Variants in PCDHA2 observed in about 807,000 individuals in gnomAD.
PCDHA2 encodes the protein protocadherin alpha 2.
PCDHA2 carries 58 observed loss-of-function variants against 66.0 expected under a neutral mutation model. The ratio of observed to expected loss-of-function variants is 0.88; its 90% CI spans 0.71 to 1.09. PCDHA2 has a LOEUF of 1.09. PCDHA2 is among the 50% of genes least tolerant of loss of function. The pLI, the probability that PCDHA2 is intolerant of heterozygous loss-of-function variation, is 0.00. For missense variants in PCDHA2, 1,267 were observed against 1,242.3 expected, an observed-to-expected ratio of 1.02 and a Z score of -0.30; for synonymous variants, 634 against 554.0, an observed-to-expected ratio of 1.14 and a Z score of -2.03.
intron 1 of PCDHA2, among the ~76,000 whole-genome samples, chr5:140,941,202 C>CCTTTCTTCCTTTCTTTCTTTCTTTCTTT (rs1394736170): frequency 6.0e-4 from 74 of 122,806 alleles, no homozygotes; most frequent in Middle Eastern, 4.2e-3. Flanking sequence ...TTTCTTTCTT[C>CCTTTCTTCCTTTCTTTCTTTCTTTCTTT]CTTTCTTTCT....
chr5:141,009,938 G>T lies in PCDHA2; in HGVS notation c.*1G>T, dbSNP rs781826815. The T allele has an allele frequency of 6.6e-5, 106 of 1,600,570 alleles. No individual in the cohort carries two copies. The highest frequency in any genetic ancestry group is 8.9e-5 in the Non-Finnish European group (105 of 1,175,516). ...CACGACTGACAACAGTGACCAGTGA[G>T]GTCCTCAAATGGAAACAAGCCACTT... On this transcript the variant is annotated 3_prime_UTR_variant, in exon 4 of 4. Coordinates refer to ENST00000526136, the MANE Select transcript of PCDHA2 (RefSeq NM_018905.3).
rs35252606 is a variant in PCDHA2, at chr5:140,912,343, ATT to A, written c.2389-66592_2389-66591del. The stretch of plus-strand genomic sequence containing the variant: ...CTCAGTATTAACCAGTACACTAAGT[ATT>A]TTTTTTTTTTTTTGCAGCTGTTGTA... On this transcript the variant is annotated intron_variant, in intron 1 of 3. Transcript: ENST00000526136. 3.7e-3 allele frequency among the ~76,000 whole-genome samples: 528 copies of A among 143,760 alleles called. 4 individuals are homozygous for A. The highest frequency in any genetic ancestry group is 8.3e-3 in the East Asian group (41 of 4,940). 94.3% of individuals were successfully genotyped at this position (143,760 alleles called of 152,430 possible).
intron 1 of PCDHA2, chr5:140,884,644 C>T (rs1554181804): frequency 6.2e-7 from 1 of 1,608,094 alleles, no homozygotes; most frequent in South Asian, 1.1e-5. Flanking sequence ...GGGAGGAGGA[C>T]TCAGAATGCT....
intron 1 of PCDHA2, chr5:140,870,544 G>T: frequency 6.2e-7 from 1 of 1,614,124 alleles, no homozygotes. Context: ...GGCGCGGGAC[G>T]CGGACGCGCA....
In PCDHA2 at chr5:140,876,419, A is replaced by G. The variant is rs2056334313; in HGVS notation, c.2388+79067A>G. On this transcript the variant is annotated intron_variant, in intron 1 of 3. Coordinates refer to ENST00000526136, the MANE Select transcript of PCDHA2 (RefSeq NM_018905.3). Reference sequence around the variant, plus strand: ...CTGGATTTTGAAGAGAATAATGCCTATGAAATTCAGGTTAACGCCATTGAT... The same window carrying G: ...CTGGATTTTGAAGAGAATAATGCCTGTGAAATTCAGGTTAACGCCATTGAT... 2.5e-6 allele frequency: 4 copies of G among 1,613,984 alleles called. No homozygotes were observed. In the East Asian group the frequency reaches 6.7e-5, roughly 27 times the overall value.
chr5:140,973,974 T>C (rs2096609755), intron 1 of PCDHA2, among the ~76,000 whole-genome samples: 1 of 152,224 alleles, frequency 6.6e-6, no homozygotes. Context: ...TAAATGTGGC[T>C]TTTACAGAAC....
At chr5:140,857,365 C>A (rs251362) in intron 1 of PCDHA2, 1 of 1,597,496 alleles carries the variant, frequency 6.3e-7, no homozygotes, top group South Asian at 1.1e-5. Context: ...CCACGGCCAG[C>A]GTGTCTGTGG....
At chr5:140,917,354 G>T (rs148449289) in intron 1 of PCDHA2, among the ~76,000 whole-genome samples, 7 of 143,854 alleles carry the variant, frequency 4.9e-5, no homozygotes, top group African/African-American at 1.8e-4. Flanking sequence ...GTAGGCTTCT[G>T]TTCCACTATC....
At chr5:140,946,038 G>T (rs782421286) in intron 1 of PCDHA2, among the ~76,000 whole-genome samples, 29 of 152,042 alleles carry the variant, frequency 1.9e-4, no homozygotes, top group Non-Finnish European at 4.0e-4. Flanking sequence ...CAAGAGTGAA[G>T]GGACAATCCA....
In PCDHA2 at chr5:140,976,256, AAC is replaced by A. The variant is rs372931931; in HGVS notation, c.2389-2689_2389-2688del. On this transcript the variant is annotated intron_variant, in intron 1 of 3. Transcript: ENST00000526136. Reference sequence around the variant, plus strand: ...TGTCATTTCATGTAAATTTATTTAAAACACAGACTTTTGGCAAGGCACAGTGG... The same window carrying A: ...TGTCATTTCATGTAAATTTATTTAAAACAGACTTTTGGCAAGGCACAGTGG... Among the ~76,000 whole-genome samples the A allele has an allele frequency of 3.2e-3, 487 of 152,352 alleles. 7 individuals carry two copies. Among genetic ancestry groups the A allele is most frequent in the Middle Eastern group, 0.01 (3 of 294 alleles).
intron 1 of PCDHA2, chr5:140,802,763 G>A (rs146921578): frequency 1.2e-6 from 2 of 1,612,888 alleles, no homozygotes; most frequent in East Asian, 2.2e-5. Flanking sequence ...CGCTGCAGCC[G>A]CTGGACCACG....
chr5:140,908,455 A>G (rs1425485479), intron 1 of PCDHA2, among the ~76,000 whole-genome samples: 7 of 152,178 alleles, frequency 4.6e-5, no homozygotes, highest in South Asian at 4.1e-4. Flanking sequence ...GGCTAGATGG[A>G]TCAGAAAGCA....
chr5:140,929,870 A>T (rs1056539262), intron 1 of PCDHA2: 1 of 153,262 alleles, frequency 6.5e-6, no homozygotes, highest in Admixed American at 6.5e-5. Flanking sequence ...AGGCTTTGTG[A>T]TAGAGATCAC....
At chr5:140,927,525 T>C in intron 1 of PCDHA2, 1 of 1,614,088 alleles carries the variant, frequency 6.2e-7, no homozygotes, top group Non-Finnish European at 8.5e-7. Context: ...GCGGGCTACC[T>C]GCCCGCTCAG....
chr5:140,896,228 G>C (rs567886194), intron 1 of PCDHA2, among the ~76,000 whole-genome samples: 1 of 152,298 alleles, frequency 6.6e-6, no homozygotes, highest in South Asian at 2.1e-4. Context: ...CTTTATAGTA[G>C]AATGACTTAT....
chr5:140,914,073 C>G (rs1314205032), intron 1 of PCDHA2, among the ~76,000 whole-genome samples: 1 of 152,122 alleles, frequency 6.6e-6, no homozygotes, highest in Non-Finnish European at 1.5e-5. Flanking sequence ...TGCTCCATAA[C>G]TATCTATTAG....
chr5:140,836,311 C>T (rs1774359365), intron 1 of PCDHA2: 4 of 1,613,662 alleles, frequency 2.5e-6, no homozygotes, highest in Admixed American at 3.3e-5. Flanking sequence ...ACGGACGCAC[C>T]GCGCCACCGC....
At chr5:140,931,901 T>G (rs2087840006) in intron 1 of PCDHA2, among the ~76,000 whole-genome samples, 1 of 151,938 alleles carries the variant, frequency 6.6e-6, no homozygotes, top group South Asian at 2.1e-4. Flanking sequence ...TCAAATCATT[T>G]GAAAAGCATG....
intron 1 of PCDHA2, chr5:140,830,316 C>A (rs1770983457): frequency 1.2e-6 from 2 of 1,613,980 alleles, no homozygotes; most frequent in Non-Finnish European, 1.7e-6. Flanking sequence ...CTGGTGTGCT[C>A]CAGCGCAGTG....
Sources: allele counts gnomAD v4.1 joint callset (sites outside exome capture counted in the v4.1 genomes callset), GRCh38; gene constraint gnomAD v4.1.1; transcripts MANE v1.5; gene names NCBI Gene and HGNC (gene_info 2026-07-23, HGNC 2026-07-21).